The following ANKRD55 variants were observed in gnomAD, a reference collection of about 807,000 sequenced individuals.
ANKRD55 encodes ankyrin repeat domain-containing protein 55.
In ANKRD55, 41 loss-of-function variants were observed where a neutral mutation model predicts 60.6. The observed-to-expected ratio is 0.68, with a 90% CI of 0.53 to 0.88. The LOEUF (loss-of-function observed/expected upper bound fraction) is 0.88. Ranked by LOEUF, ANKRD55 falls within the 40% of genes least tolerant of loss-of-function variation. ANKRD55 has a pLI of 0.00. For missense variants in ANKRD55, 732 were observed against 767.6 expected (o/e 0.95, Z 0.55); for synonymous variants, 264 against 290.3 (o/e 0.91, Z 0.92).
chr5:56,102,253 G>A (rs1221511402), intron 11 of ANKRD55, among the ~76,000 whole-genome samples: 1 of 152,136 alleles, frequency 6.6e-6, no homozygotes, highest in East Asian at 1.9e-4. Flanking sequence ...AGCCAGGCGT[G>A]GTGGCAGGCG....
At chr5:56,145,356 G>A (rs1250333087) in intron 6 of ANKRD55, among the ~76,000 whole-genome samples, 5 of 152,152 alleles carry the variant, frequency 3.3e-5, no homozygotes, top group Non-Finnish European at 5.9e-5. Flanking sequence ...CCAGGCCTGG[G>A]CTAGAAAAAA....
chr5:56,153,235 C>T (rs955267318), intron 6 of ANKRD55, among the ~76,000 whole-genome samples: 4 of 151,424 alleles, frequency 2.6e-5, no homozygotes, highest in African/African-American at 9.7e-5. Flanking sequence ...CCAGCAACAA[C>T]TGGGAAAAAA....
intron 5 of ANKRD55, among the ~76,000 whole-genome samples, chr5:56,165,751 G>A (rs1212310812): frequency 1.3e-5 from 2 of 152,108 alleles, no homozygotes; most frequent in Non-Finnish European, 2.9e-5. Context: ...CCAACATGGA[G>A]AAACCCCATC....
At chr5:56,136,642 C>T (rs902269251) in intron 7 of ANKRD55, among the ~76,000 whole-genome samples, 5 of 152,030 alleles carry the variant, frequency 3.3e-5, no homozygotes, top group Admixed American at 2.6e-4. Context: ...AAAATTAGGC[C>T]GGGCAAGGCG....
intron 2 of ANKRD55, among the ~76,000 whole-genome samples, chr5:56,226,563 G>A (rs145538172): frequency 0.011 from 1,640 of 149,198 alleles, 26 homozygotes; most frequent in Middle Eastern, 0.028. Flanking sequence ...CTGCAGAATG[G>A]GAGAAAATTT....
chr5:56,181,661 G>A (rs1279889867), intron 3 of ANKRD55, among the ~76,000 whole-genome samples: 1 of 152,128 alleles, frequency 6.6e-6, no homozygotes, highest in Non-Finnish European at 1.5e-5. Context: ...TGCGATCTCG[G>A]CTCACTGCAA....
At chr5:56,124,947 A>T (rs892608135) in intron 8 of ANKRD55, among the ~76,000 whole-genome samples, 6 of 152,336 alleles carry the variant, frequency 3.9e-5, no homozygotes, top group African/African-American at 1.4e-4. Flanking sequence ...CTGGATTGGA[A>T]AGGACTCTTC....
intron 5 of ANKRD55, among the ~76,000 whole-genome samples, chr5:56,166,096 T>C (rs1352640277): frequency 4.0e-5 from 1 of 24,846 alleles, no homozygotes; most frequent in African/African-American, 1.1e-4. Context: ...TTTTCTTTCT[T>C]TCTTTCTTTC....
intron 2 of ANKRD55, among the ~76,000 whole-genome samples, chr5:56,192,096 C>T (rs1484791490): frequency 6.6e-6 from 1 of 150,672 alleles, no homozygotes; most frequent in Non-Finnish European, 1.5e-5. Flanking sequence ...TCAGTCCTTC[C>T]TTGTCTCCTT....
rs752857746 is a variant in ANKRD55, at chr5:56,183,558, T to G, written c.135A>C (p.Ala45=). 2 of 1,614,190 alleles carry G rather than the reference T, an allele frequency of 1.2e-6. No homozygotes were observed. Among genetic ancestry groups the G allele is most frequent in the South Asian group, 2.2e-5 (2 of 91,076 alleles). ...ASNGDVNALT[A]VIREDPSILE... is the part of the protein sequence containing the mutation. ...GGATAGAAGGGTCTTCCCGAATCAC[T>G]GCAGTCAGAGCATTGACATCTCCAT... Residue 45 remains alanine, a synonymous_variant, in exon 3 of 12, where the codon GCA becomes GCC. Transcript: ENST00000341048.
intron 7 of ANKRD55, among the ~76,000 whole-genome samples, chr5:56,135,449 G>T (rs982439206): frequency 2.7e-5 from 4 of 150,846 alleles, no homozygotes; most frequent in African/African-American, 9.8e-5. Flanking sequence ...GGCTCACTGT[G>T]ACCTCCGCCT....
intron 7 of ANKRD55, chr5:56,137,085 C>A: frequency 2.2e-6 from 2 of 899,846 alleles, no homozygotes; most frequent in African/African-American, 1.6e-5. Flanking sequence ...CCCAGGCCAT[C>A]AGGGTAGGCA....
chr5:56,187,723 C>A lies in ANKRD55; in HGVS notation c.59-4089G>T, dbSNP rs529975931. ...CTGGGTTCATCCTAATCGAGCTGAA[C>A]GCTAGTCACTGGGTTCTAGGTTCTC... On this transcript the variant is annotated intron_variant, in intron 2 of 11. Transcript: ENST00000341048. 2.0e-5 allele frequency among the ~76,000 whole-genome samples: 3 copies of A among 152,354 alleles called. No homozygotes were observed. In the South Asian group the frequency reaches 6.2e-4, roughly 32 times the overall value.
intron 3 of ANKRD55, among the ~76,000 whole-genome samples, chr5:56,178,935 C>T (rs190003906): frequency 7.8e-6 from 1 of 127,466 alleles, no homozygotes. Context: ...CTCTTACATA[C>T]TGTTGGTTAA....
chr5:56,179,301 T>C (rs1758807428), intron 3 of ANKRD55, among the ~76,000 whole-genome samples: 1 of 152,112 alleles, frequency 6.6e-6, no homozygotes, highest in African/African-American at 2.4e-5. Flanking sequence ...TTTATGTAAA[T>C]TTTATAAATC....
At chr5:56,135,808 C>A (rs1388242254) in intron 7 of ANKRD55, among the ~76,000 whole-genome samples, 1 of 152,032 alleles carries the variant, frequency 6.6e-6, no homozygotes, top group African/African-American at 2.4e-5. Flanking sequence ...TGTATAAAAT[C>A]TGAAAGAATA....
chr5:56,102,738 T>C (rs1315564343), intron 10 of ANKRD55, 152 bp from the exon 11 acceptor site: 3 of 574,062 alleles, frequency 5.2e-6, no homozygotes, highest in Admixed American at 6.1e-5. Flanking sequence ...TACACTTTAT[T>C]GCATTTCTGT....
In ANKRD55 at chr5:56,121,617, C is replaced by T. The variant is rs1350181676; in HGVS notation, c.798-4835G>A. On this transcript the variant is annotated intron_variant, in intron 8 of 11. Coordinates refer to ENST00000341048, the MANE Select transcript of ANKRD55 (RefSeq NM_024669.3). Reference sequence around the variant, plus strand: ...CGATCTCCTGACCTCGTGATCCACCCGCCTGGGCCTCCCAAAGTGCTGGGA... The same window carrying T: ...CGATCTCCTGACCTCGTGATCCACCTGCCTGGGCCTCCCAAAGTGCTGGGA... 2.0e-5 allele frequency among the ~76,000 whole-genome samples: 3 copies of T among 151,766 alleles called. No individual in the cohort carries two copies. The East Asian group carries it at 5.8e-4, about 29-fold the overall frequency.
chr5:56,192,676 T>A, intron 2 of ANKRD55: 1 of 1,234,108 alleles, frequency 8.1e-7, no homozygotes, highest in Non-Finnish European at 1.2e-6. Context: ...ATGTTCTTCA[T>A]AATGATCCTC....
Sources: allele counts gnomAD v4.1 joint callset (sites outside exome capture counted in the v4.1 genomes callset), GRCh38; gene constraint gnomAD v4.1.1; transcripts MANE v1.5; gene names NCBI Gene and HGNC (gene_info 2026-07-23, HGNC 2026-07-21).